Variants in PTPRD observed in about 807,000 individuals in gnomAD.
The protein encoded by PTPRD is receptor-type tyrosine-protein phosphatase delta.
A neutral mutation model predicts 214.5 loss-of-function variants in PTPRD; 34 were observed. That is an observed-to-expected ratio of 0.16 (90% CI 0.12 to 0.21). PTPRD has a LOEUF of 0.21. PTPRD is among the 10% of genes least tolerant of loss of function. The pLI, the probability that PTPRD is intolerant of heterozygous loss-of-function variation, is 1.00. For synonymous variants in PTPRD, 1,128 were observed against 845.7 expected, an observed-to-expected ratio of 1.33 and a Z score of -5.79; for missense variants, 2,545 against 2,398.7, an observed-to-expected ratio of 1.06 and a Z score of -1.27.
At chr9:9,782,388 T>G (rs971399442) in intron 5 of PTPRD, among the ~76,000 whole-genome samples, 2 of 152,208 alleles carry the variant, frequency 1.3e-5, no homozygotes, top group Non-Finnish European at 2.9e-5. Flanking sequence ...TTGCTATGAT[T>G]GTTCATTGAT....
intron 9 of PTPRD, among the ~76,000 whole-genome samples, chr9:9,352,947 G>T (rs1410064229): frequency 6.6e-6 from 1 of 151,938 alleles, no homozygotes; most frequent in African/African-American, 2.4e-5. Flanking sequence ...GGATACAAAA[G>T]AGAAAACACT....
intron 11 of PTPRD, among the ~76,000 whole-genome samples, chr9:8,884,205 A>G (rs1403327236): frequency 2.0e-5 from 3 of 152,242 alleles, no homozygotes; most frequent in Non-Finnish European, 4.4e-5. Flanking sequence ...GAGAATGGCT[A>G]TACTGAGACT....
intron 14 of PTPRD, among the ~76,000 whole-genome samples, chr9:8,567,765 T>C (rs1250100258): frequency 6.6e-6 from 1 of 152,168 alleles, no homozygotes; most frequent in African/African-American, 2.4e-5. Context: ...ATTATAGATA[T>C]TTTTAGTCTT....
chr9:8,770,736 T>G (rs2095142184), intron 11 of PTPRD, among the ~76,000 whole-genome samples: 1 of 152,136 alleles, frequency 6.6e-6, no homozygotes, highest in Non-Finnish European at 1.5e-5. Flanking sequence ...ATCTGAAGTC[T>G]TTTCCAAAAA....
intron 9 of PTPRD, among the ~76,000 whole-genome samples, chr9:9,326,394 A>T (rs1173104666): frequency 1.3e-5 from 2 of 152,142 alleles, no homozygotes; most frequent in Non-Finnish European, 2.9e-5. Flanking sequence ...ATTATGAAAT[A>T]TTTGAAATAA....
At chr9:10,467,045 T>G (rs1241291861) in intron 2 of PTPRD, among the ~76,000 whole-genome samples, 1 of 152,180 alleles carries the variant, frequency 6.6e-6, no homozygotes, top group Admixed American at 6.5e-5. Flanking sequence ...TCCATCAACC[T>G]TTATCCAATC....
At chr9:8,390,641 T>C (rs1380743221) in intron 36 of PTPRD, among the ~76,000 whole-genome samples, 4 of 152,242 alleles carry the variant, frequency 2.6e-5, no homozygotes, top group Non-Finnish European at 1.5e-5. Context: ...TTCCAACATG[T>C]AATCAGTAGC....
chr9:9,634,553 G>T (rs1304158860), intron 7 of PTPRD, among the ~76,000 whole-genome samples: 1 of 152,088 alleles, frequency 6.6e-6, no homozygotes. Flanking sequence ...ATAAGAGGAA[G>T]GAAATAAATG....
intron 2 of PTPRD, among the ~76,000 whole-genome samples, chr9:10,485,130 T>C (rs577694198): frequency 6.6e-5 from 10 of 152,056 alleles, no homozygotes; most frequent in Non-Finnish European, 1.5e-4. Flanking sequence ...TTGTCTTTTC[T>C]CCAGTGTATT....
At chr9:9,587,352 C>T (rs139456175) in intron 7 of PTPRD, among the ~76,000 whole-genome samples, 60 of 152,080 alleles carry the variant, frequency 3.9e-4, no homozygotes, top group African/African-American at 1.1e-3. Context: ...AAGTGGTAGG[C>T]GCTTCTATTA....
At chr9:10,093,624 C>G (rs998693559) in intron 3 of PTPRD, among the ~76,000 whole-genome samples, 3 of 151,460 alleles carry the variant, frequency 2.0e-5, no homozygotes, top group Non-Finnish European at 4.4e-5. Context: ...ATTGTTCTAT[C>G]AAAAAGACAT....
intron 2 of PTPRD, among the ~76,000 whole-genome samples, chr9:10,572,535 G>C (rs2067796324): frequency 6.6e-6 from 1 of 152,140 alleles, no homozygotes; most frequent in African/African-American, 2.4e-5. Flanking sequence ...AGTGATGAAG[G>C]AAGCTAATTG....
At chr9:10,224,892 G>A (rs2099583824) in intron 3 of PTPRD, among the ~76,000 whole-genome samples, 1 of 151,914 alleles carries the variant, frequency 6.6e-6, no homozygotes, top group African/African-American at 2.4e-5. Flanking sequence ...TCTTTTCTCT[G>A]GTGTAACTTA....
At chr9:10,587,289 T>C (rs150859776) in intron 2 of PTPRD, among the ~76,000 whole-genome samples, 2,974 of 152,158 alleles carry the variant, frequency 0.02, 39 homozygotes, top group Middle Eastern at 0.054. Flanking sequence ...AACACTAAAA[T>C]ATTTTTCACA....
intron 2 of PTPRD, among the ~76,000 whole-genome samples, chr9:10,586,635 A>C (rs1313850847): frequency 2.0e-5 from 3 of 152,236 alleles, no homozygotes; most frequent in African/African-American, 7.2e-5. Flanking sequence ...TGCGGGCATA[A>C]GACTTTCTCA....
At chr9:9,305,648 T>A (rs1191115839) in intron 9 of PTPRD, among the ~76,000 whole-genome samples, 1 of 152,094 alleles carries the variant, frequency 6.6e-6, no homozygotes, top group Non-Finnish European at 1.5e-5. Context: ...TCATTGGAGA[T>A]GTAATAAACT....
At chr9:8,657,709 C>T (rs1055621003) in intron 12 of PTPRD, among the ~76,000 whole-genome samples, 1 of 152,016 alleles carries the variant, frequency 6.6e-6, no homozygotes, top group African/African-American at 2.4e-5. Context: ...AATCTTTGCC[C>T]GTGCCTATGT....
intron 8 of PTPRD, among the ~76,000 whole-genome samples, chr9:9,403,271 A>G (rs1184148725): frequency 8.7e-6 from 1 of 115,548 alleles, no homozygotes; most frequent in African/African-American, 3.4e-5. Flanking sequence ...AGTCTAGGCG[A>G]CAGAGGAATA....
chr9:10,150,524 G>C (rs1254165861), intron 3 of PTPRD, among the ~76,000 whole-genome samples: 2 of 151,976 alleles, frequency 1.3e-5, no homozygotes, highest in Admixed American at 6.6e-5. Context: ...GGCAGGAGGA[G>C]GGGGGAGGGA....
Sources: allele counts gnomAD v4.1 joint callset (sites outside exome capture counted in the v4.1 genomes callset), GRCh38; gene constraint gnomAD v4.1.1; transcripts MANE v1.5; gene names NCBI Gene and HGNC (gene_info 2026-07-23, HGNC 2026-07-21).